Variants in CMSS1 observed in about 807,000 individuals in gnomAD.
CMSS1 encodes the protein cms1 ribosomal small subunit homolog.
CMSS1 carries 33 observed loss-of-function variants against 43.5 expected under a neutral mutation model. That is an observed-to-expected ratio of 0.76 (90% CI 0.57 to 1.01). The LOEUF (loss-of-function observed/expected upper bound fraction) is 1.01, where lower values mean the gene tolerates loss of function less well. CMSS1 is among the 50% of genes least tolerant of loss of function. CMSS1 has a pLI of 0.00. For missense variants in CMSS1, 313 were observed against 326.4 expected, an observed-to-expected ratio of 0.96 and a Z score of 0.32; for synonymous variants, 115 against 117.2, an observed-to-expected ratio of 0.98 and a Z score of 0.12.
At chr3:100,000,420 A>T (rs1358403355) in intron 1 of CMSS1, among the ~76,000 whole-genome samples, 2 of 152,336 alleles carry the variant, frequency 1.3e-5, no homozygotes, top group South Asian at 4.1e-4. Flanking sequence ...TGTTGTGTGA[A>T]TGTCGTCAGC....
At chr3:100,109,215 A>T (rs911640491) in intron 1 of CMSS1, among the ~76,000 whole-genome samples, 1 of 151,904 alleles carries the variant, frequency 6.6e-6, no homozygotes, top group Non-Finnish European at 1.5e-5. Context: ...GTGTTTTAAT[A>T]TCCTAAAAAA....
chr3:99,829,699 G>A (rs1299076949), intron 1 of CMSS1, among the ~76,000 whole-genome samples: 1 of 152,202 alleles, frequency 6.6e-6, no homozygotes, highest in Non-Finnish European at 1.5e-5. Context: ...TGTCCTGTGA[G>A]ATGATAAATT....
At chr3:100,019,244 C>T (rs1254542116) in intron 1 of CMSS1, among the ~76,000 whole-genome samples, 1 of 152,160 alleles carries the variant, frequency 6.6e-6, no homozygotes, top group African/African-American at 2.4e-5. Flanking sequence ...TGTCTAGTTT[C>T]AGCTACTCGG....
chr3:100,164,629 A>T (rs1439618551), intron 4 of CMSS1, among the ~76,000 whole-genome samples: 1 of 152,182 alleles, frequency 6.6e-6, no homozygotes, highest in Non-Finnish European at 1.5e-5. Context: ...GAGACATCAG[A>T]GGAAGGTTTG....
rs1357127900 is a variant in CMSS1, at chr3:99,875,073, A to G, written c.64+57030A>G. 3.3e-5 allele frequency among the ~76,000 whole-genome samples: 5 copies of G among 152,250 alleles called. 1 individual carries two copies. The stretch of plus-strand genomic sequence containing the variant: ...ATAGTTGTTAAAGTTTTATTTTACA[A>G]TATATGTTTAGACCAGATAAGGATT... On this transcript the variant is annotated intron_variant, in intron 1 of 9. Transcript: ENST00000421999.
intron 1 of CMSS1, among the ~76,000 whole-genome samples, chr3:100,006,559 C>T (rs1045903745): frequency 1.3e-5 from 2 of 151,774 alleles, no homozygotes; most frequent in African/African-American, 2.4e-5. Flanking sequence ...CATTCAAATC[C>T]CAGAAGTTGT....
intron 1 of CMSS1, among the ~76,000 whole-genome samples, chr3:99,976,068 A>G (rs1467079966): frequency 6.6e-6 from 1 of 152,052 alleles, no homozygotes; most frequent in Non-Finnish European, 1.5e-5. Context: ...TATTTTTAGT[A>G]GAGACGAGGT....
intron 1 of CMSS1, among the ~76,000 whole-genome samples, chr3:100,135,485 TGTGTG>T (rs1389332224): frequency 1.1e-3 from 160 of 143,884 alleles, no homozygotes; most frequent in Non-Finnish European, 1.9e-3. Flanking sequence ...TGTGTGTGTG[TGTGTG>T]TTTAAGAGAC....
At chr3:100,130,162 T>C (rs2066694716) in intron 1 of CMSS1, among the ~76,000 whole-genome samples, 1 of 152,216 alleles carries the variant, frequency 6.6e-6, no homozygotes, top group African/African-American at 2.4e-5. Flanking sequence ...GAAACAGCTG[T>C]TCCATTCCTA....
chr3:100,006,194 AC>A (rs938649103), intron 1 of CMSS1, among the ~76,000 whole-genome samples: 2 of 152,042 alleles, frequency 1.3e-5, no homozygotes, highest in Non-Finnish European at 2.9e-5. Context: ...AGACAGGCTG[AC>A]CCCATTAAGA....
In CMSS1 at chr3:99,885,351, A is replaced by T. The variant is rs185654159; in HGVS notation, c.64+67308A>T. Among the ~76,000 whole-genome samples, 5 of 152,340 alleles carry T rather than the reference A, an allele frequency of 3.3e-5. No homozygotes were observed. In the East Asian group the frequency reaches 9.6e-4, roughly 29 times the overall value. ...CTCTGAGATTTATCTTCAAATGCTG[A>T]TGCATTCTAAGATTTATAGAAGTAC... is the stretch of plus-strand genomic sequence containing the variant. On this transcript the variant is annotated intron_variant, in intron 1 of 9. Transcript: ENST00000421999.
chr3:99,942,071 G>T (rs1707866874), intron 1 of CMSS1, among the ~76,000 whole-genome samples: 1 of 152,066 alleles, frequency 6.6e-6, no homozygotes, highest in South Asian at 2.1e-4. Flanking sequence ...AAAAAAATTA[G>T]TGGGGCATGG....
chr3:100,158,306 A>G (rs2066993581), intron 2 of CMSS1, among the ~76,000 whole-genome samples: 1 of 152,220 alleles, frequency 6.6e-6, no homozygotes, highest in African/African-American at 2.4e-5. Context: ...TTCAGACTAC[A>G]TATTTAAAAT....
intron 1 of CMSS1, among the ~76,000 whole-genome samples, chr3:99,890,475 T>G (rs1706049001): frequency 6.6e-6 from 1 of 152,144 alleles, no homozygotes; most frequent in African/African-American, 2.4e-5. Flanking sequence ...CCTTAATCTC[T>G]TATAACCTAG....
At chr3:99,856,566 C>G (rs1943976685) in intron 1 of CMSS1, among the ~76,000 whole-genome samples, 2 of 152,328 alleles carry the variant, frequency 1.3e-5, no homozygotes, top group South Asian at 4.1e-4. Context: ...AAAGCAGTAT[C>G]TTATTACAGC....
At chr3:100,127,584 G>A (rs1474851034) in intron 1 of CMSS1, among the ~76,000 whole-genome samples, 1 of 152,182 alleles carries the variant, frequency 6.6e-6, no homozygotes, top group Non-Finnish European at 1.5e-5. Flanking sequence ...TCCCCAGTCA[G>A]GGACCTTCCA....
chr3:99,861,091 C>T (rs1420858818), intron 1 of CMSS1, among the ~76,000 whole-genome samples: 1 of 152,136 alleles, frequency 6.6e-6, no homozygotes, highest in Non-Finnish European at 1.5e-5. Flanking sequence ...CTGCTCCCAC[C>T]ACCACTCTGA....
chr3:99,998,319 G>C (rs568124400), intron 1 of CMSS1, among the ~76,000 whole-genome samples: 3 of 152,174 alleles, frequency 2.0e-5, no homozygotes, highest in African/African-American at 7.2e-5. Context: ...CTAACTACAG[G>C]GTTAGAAACA....
intron 1 of CMSS1, among the ~76,000 whole-genome samples, chr3:100,009,243 A>T (rs1473538756): frequency 6.6e-6 from 1 of 152,220 alleles, no homozygotes; most frequent in African/African-American, 2.4e-5. Flanking sequence ...GGTATTATCA[A>T]GAATATAAGA....
Sources: allele counts gnomAD v4.1 joint callset (sites outside exome capture counted in the v4.1 genomes callset), GRCh38; gene constraint gnomAD v4.1.1; transcripts MANE v1.5; gene names NCBI Gene and HGNC (gene_info 2026-07-23, HGNC 2026-07-21).